RASAL2: variants seen among roughly 807,000 people sequenced by gnomAD.
RASAL2 encodes the protein ras GTPase-activating protein nGAP.
Under a neutral mutation model 128.9 loss-of-function variants are expected in RASAL2, and 58 were observed. The ratio of observed to expected loss-of-function variants is 0.45; its 90% CI spans 0.36 to 0.56. The LOEUF (loss-of-function observed/expected upper bound fraction) is 0.56, where lower values mean the gene tolerates loss of function less well. Among genes scored for constraint, RASAL2 ranks in the 20% least tolerant of loss-of-function variants. The pLI is 0.00. For missense variants in RASAL2, 1,360 were observed against 1,601.6 expected, an observed-to-expected ratio of 0.85 and a Z score of 2.57; for synonymous variants, 561 against 580.8, an observed-to-expected ratio of 0.97 and a Z score of 0.49.
At chr1:178,178,360 A>G (rs1397554450) in intron 1 of RASAL2, among the ~76,000 whole-genome samples, 1 of 152,194 alleles carries the variant, frequency 6.6e-6, no homozygotes, top group Non-Finnish European at 1.5e-5. Context: ...GTAAAAAAAA[A>G]TCATTCAAAT....
chr1:178,300,680 A>G (rs1166679334), intron 3 of RASAL2, among the ~76,000 whole-genome samples: 1 of 152,194 alleles, frequency 6.6e-6, no homozygotes, highest in Non-Finnish European at 1.5e-5. Context: ...CCTTACTTCC[A>G]TTGTTATATA....
At chr1:178,453,759 C>T (rs564577001) in intron 11 of RASAL2, among the ~76,000 whole-genome samples, 1 of 152,042 alleles carries the variant, frequency 6.6e-6, no homozygotes, top group South Asian at 2.1e-4. Flanking sequence ...CAGATTTACT[C>T]AGTATTGATG....
rs757701549 is a variant in RASAL2 at position 178,439,440 on chromosome 1, A to G, written c.693A>G (p.Lys231=). The G allele has an allele frequency of 6.2e-6, 10 of 1,609,798 alleles. No homozygotes were observed. The East Asian group carries it at 2.2e-4, about 36-fold the overall frequency. ...STDDRSRGLP[K]LKESRSHESL... Reference sequence around the variant, plus strand: ...CTTTTAGGTCTCGTGGGCTGCCTAAACTAAAAGAGTCACGTTCCCATGAAT... The same window carrying G: ...CTTTTAGGTCTCGTGGGCTGCCTAAGCTAAAAGAGTCACGTTCCCATGAAT... Residue 231 remains lysine, a synonymous_variant, in exon 6 of 18, where the codon AAA becomes AAG. Coordinates refer to ENST00000367649, the MANE Select transcript of RASAL2 (RefSeq NM_170692.4).
chr1:178,389,529 T>G lies in RASAL2; in HGVS notation c.458-571T>G, dbSNP rs1405184180. On this transcript the variant is annotated intron_variant, in intron 3 of 17. Transcript: ENST00000367649. ...GAGTAAGATCTTAGTAAGGTCATATTGCCAGAACAAGGAGAAGCTGATCTA... is the reference window on the plus strand; with the variant it reads ...GAGTAAGATCTTAGTAAGGTCATATGGCCAGAACAAGGAGAAGCTGATCTA... 3.9e-5 allele frequency among the ~76,000 whole-genome samples: 6 copies of G among 152,330 alleles called. 1 individual carries two copies. In the East Asian group the frequency reaches 1.2e-3, roughly 29 times the overall value.
At chr1:178,170,520 A>T (rs1661670765) in intron 1 of RASAL2, among the ~76,000 whole-genome samples, 1 of 151,762 alleles carries the variant, frequency 6.6e-6, no homozygotes, top group African/African-American at 2.4e-5. Flanking sequence ...ATTTATTCAT[A>T]TGTATAACTA....
chr1:178,143,307 A>G (rs1397460104), intron 1 of RASAL2, among the ~76,000 whole-genome samples: 2 of 152,078 alleles, frequency 1.3e-5, no homozygotes, highest in African/African-American at 4.8e-5. Context: ...AACCATTTTC[A>G]TGGCTAAGAT....
intron 1 of RASAL2, among the ~76,000 whole-genome samples, chr1:178,110,650 A>ATACATATATG (rs1553250960): frequency 7.2e-6 from 1 of 139,158 alleles, no homozygotes; most frequent in Non-Finnish European, 1.5e-5. Context: ...ATATATATAT[A>ATACATATATG]TATGTATGTA....
At chr1:178,117,937 G>C (rs756659016) in intron 1 of RASAL2, among the ~76,000 whole-genome samples, 1 of 152,088 alleles carries the variant, frequency 6.6e-6, no homozygotes. Context: ...GGCCAAGATG[G>C]GTGGATCACC....
intron 3 of RASAL2, among the ~76,000 whole-genome samples, chr1:178,338,437 A>G (rs570813070): frequency 4.0e-4 from 61 of 152,298 alleles, no homozygotes; most frequent in African/African-American, 1.4e-3. Flanking sequence ...GCCTGGTTTC[A>G]GAATTTCTTA....
At chr1:178,122,177 A>T (rs910224761) in intron 1 of RASAL2, among the ~76,000 whole-genome samples, 4 of 152,232 alleles carry the variant, frequency 2.6e-5, no homozygotes, top group Non-Finnish European at 5.9e-5. Flanking sequence ...ATGTACCACC[A>T]GCCTGAGATT....
At chr1:178,300,740 C>T (rs1385297360) in intron 3 of RASAL2, among the ~76,000 whole-genome samples, 1 of 152,172 alleles carries the variant, frequency 6.6e-6, no homozygotes, top group African/African-American at 2.4e-5. Context: ...CTCCCATTCC[C>T]TACCAAATGT....
At chr1:178,230,079 G>C (rs7541122) in intron 1 of RASAL2, among the ~76,000 whole-genome samples, 13,278 of 152,054 alleles carry the variant, frequency 0.087, 616 homozygotes, top group Middle Eastern at 0.14. Flanking sequence ...AGTGTCTAGG[G>C]TCTTTTTTTG....
chr1:178,273,319 A>G (rs892746989), intron 1 of RASAL2, among the ~76,000 whole-genome samples: 1 of 152,234 alleles, frequency 6.6e-6, no homozygotes, highest in Non-Finnish European at 1.5e-5. Context: ...TATGACTTTT[A>G]TAAAGAAAAT....
intron 1 of RASAL2, among the ~76,000 whole-genome samples, chr1:178,183,422 T>C (rs1662182683): frequency 6.6e-6 from 1 of 152,196 alleles, no homozygotes; most frequent in African/African-American, 2.4e-5. Flanking sequence ...CCATCATTAC[T>C]GTATCATAGG....
At chr1:178,250,682 TC>T (rs1271814850) in intron 1 of RASAL2, among the ~76,000 whole-genome samples, 3 of 152,200 alleles carry the variant, frequency 2.0e-5, no homozygotes, top group Admixed American at 2.0e-4. Flanking sequence ...CCAGAGCTGT[TC>T]CTATTAGGTC....
chr1:178,253,330 G>T lies in RASAL2; in HGVS notation c.203-30234G>T, dbSNP rs146151736. Among the ~76,000 whole-genome samples, 695 of 152,182 alleles carry T rather than the reference G, an allele frequency of 4.6e-3. 3 individuals are homozygous for T. Among genetic ancestry groups the T allele is most frequent in the Non-Finnish European group, 7.4e-3 (503 of 68,020 alleles). On this transcript the variant is annotated intron_variant, in intron 1 of 17. Coordinates refer to ENST00000367649, the MANE Select transcript of RASAL2 (RefSeq NM_170692.4). ...ACTTTACCTTAACTTAATTACGTCT[G>T]CAATGACCCATATTTTCAAATAGGG... is the stretch of plus-strand genomic sequence containing the variant.
intron 3 of RASAL2, among the ~76,000 whole-genome samples, chr1:178,361,510 C>G (rs540073279): frequency 5.2e-4 from 79 of 151,802 alleles, no homozygotes; most frequent in African/African-American, 1.8e-3. Context: ...ACAGTTGGCC[C>G]TTCATATCTC....
chr1:178,268,322 G>A (rs1666078778), intron 1 of RASAL2, among the ~76,000 whole-genome samples: 1 of 152,070 alleles, frequency 6.6e-6, no homozygotes, highest in East Asian at 1.9e-4. Context: ...ACAAAAATTA[G>A]TTGGGCATGG....
intron 1 of RASAL2, among the ~76,000 whole-genome samples, chr1:178,169,785 T>C (rs1367403739): frequency 1.3e-5 from 2 of 151,984 alleles, no homozygotes; most frequent in African/African-American, 4.8e-5. Context: ...TATGTGACAG[T>C]ACAGTTTTAA....
Sources: gnomAD v4.1 joint callset for allele counts (sites outside exome capture counted in the v4.1 genomes callset) on GRCh38, gnomAD v4.1.1 for gene constraint, MANE v1.5 for transcripts, NCBI Gene and HGNC (gene_info 2026-07-23, HGNC 2026-07-21) for gene names.